Variants in FAM133B observed in about 807,000 individuals in gnomAD.
FAM133B encodes the protein protein FAM133B.
FAM133B carries 25 observed loss-of-function variants against 46.4 expected under a neutral mutation model. The observed-to-expected ratio is 0.54, with a 90% CI of 0.39 to 0.75. The LOEUF is 0.75. FAM133B is among the 30% of genes least tolerant of loss of function. The pLI, the probability that FAM133B is intolerant of heterozygous loss-of-function variation, is 0.00. For synonymous variants in FAM133B, 75 were observed against 86.0 expected, an observed-to-expected ratio of 0.87 and a Z score of 0.71; for missense variants, 205 against 277.6, an observed-to-expected ratio of 0.74 and a Z score of 1.86.
At chr7:92,568,119 C>T (rs762815555) in intron 9 of FAM133B, among the ~76,000 whole-genome samples, 2 of 151,902 alleles carry the variant, frequency 1.3e-5, no homozygotes, top group Admixed American at 6.6e-5. Context: ...GATAGGGTTT[C>T]GCTATGTTGC....
chr7:92,588,056 T>A (rs1795086802), intron 1 of FAM133B, among the ~76,000 whole-genome samples: 1 of 152,122 alleles, frequency 6.6e-6, no homozygotes, highest in Admixed American at 6.6e-5. Flanking sequence ...TTGGTCCCAG[T>A]TTAAAGTCTT....
chr7:92,585,433 CTG>C (rs1466241009), intron 1 of FAM133B: 38 of 893,568 alleles, frequency 4.3e-5, no homozygotes, highest in Non-Finnish European at 5.1e-5. Context: ...ATTGTAAAAA[CTG>C]TTTATTTCCA....
At chr7:92,569,609 TA>T (rs1341666259) in intron 9 of FAM133B, 7 of 294,366 alleles carry the variant, frequency 2.4e-5, no homozygotes, top group Middle Eastern at 9.8e-4. Flanking sequence ...ATTAGAAAGG[TA>T]TGTGGAAATA....
At position 92,565,981 on chromosome 7, in the gene FAM133B, C is replaced by G. The variant is rs759015531; in HGVS notation, c.657+33G>C. ...TTTATATTAAACCAAAACACCTATT[C>G]TATTGTCTGTAAAAACGTTAAGAGA... On this transcript the variant is annotated intron_variant, in intron 10 of 10. Transcript: ENST00000445716. The G allele has an allele frequency of 9.3e-6, 15 of 1,609,698 alleles. No individual in the cohort carries two copies. In the South Asian group the frequency reaches 1.5e-4, roughly 17 times the overall value.
intron 8 of FAM133B, 118 bp from the exon 9 acceptor site, chr7:92,570,033 G>T: frequency 2.3e-6 from 1 of 431,092 alleles, no homozygotes; most frequent in Non-Finnish European, 4.0e-6. Flanking sequence ...ATTTTAGAAT[G>T]TCTAAAAAGT....
rs933866542 is a variant in FAM133B, at chr7:92,560,831, T to C, written c.*1451A>G. 1 of 152,542 alleles carries C rather than the reference T, an allele frequency of 6.6e-6. No individual in the cohort carries two copies. Among genetic ancestry groups the C allele is most frequent in the African/African-American group, 2.4e-5 (1 of 41,470 alleles). 9.4% of individuals were successfully genotyped at this position (152,542 alleles called of 1,614,324 possible). A position where few individuals can be genotyped will look rare whatever the true frequency, so the allele number is the denominator to read the frequency against. On this transcript the variant is annotated 3_prime_UTR_variant, in exon 11 of 11. Coordinates refer to ENST00000445716, the MANE Select transcript of FAM133B (RefSeq NM_152789.4). ...TAGCTATTTATTCAGCCTGTTGTCATGCCAACATGTTCTGTGCATATACCA... is the reference window on the plus strand; with the variant it reads ...TAGCTATTTATTCAGCCTGTTGTCACGCCAACATGTTCTGTGCATATACCA...
chr7:92,569,962 C>A (rs892430481), intron 8 of FAM133B, 47 bp from the exon 9 acceptor site: 3 of 850,560 alleles, frequency 3.5e-6, no homozygotes, highest in Non-Finnish European at 5.0e-6. Flanking sequence ...TACTTTGTCA[C>A]ACACATTTTA....
At chr7:92,580,596 A>G (rs1794838806) in intron 2 of FAM133B, among the ~76,000 whole-genome samples, 1 of 152,210 alleles carries the variant, frequency 6.6e-6, no homozygotes. Context: ...GACTTACCCA[A>G]ACTTTGCTCC....
intron 7 of FAM133B, among the ~76,000 whole-genome samples, chr7:92,576,084 A>G (rs1487418185): frequency 6.6e-6 from 1 of 152,218 alleles, no homozygotes; most frequent in East Asian, 1.9e-4. Flanking sequence ...CTTATTTTAA[A>G]ATAGGACTTC....
chr7:92,583,249 G>T (rs563325439), intron 1 of FAM133B, among the ~76,000 whole-genome samples: 1 of 152,164 alleles, frequency 6.6e-6, no homozygotes, highest in African/African-American at 2.4e-5. Flanking sequence ...ACAAATATAT[G>T]ATTCCATTTA....
At chr7:92,564,915 A>G (rs1794290471) in intron 10 of FAM133B, among the ~76,000 whole-genome samples, 1 of 152,170 alleles carries the variant, frequency 6.6e-6, no homozygotes, top group Admixed American at 6.6e-5. Flanking sequence ...TTGCATTAAT[A>G]GCAGAGTTTG....
chr7:92,578,013 A>G, intron 5 of FAM133B, 137 bp downstream of exon 5: 1 of 777,478 alleles, frequency 1.3e-6, no homozygotes. Flanking sequence ...ATCACTCTTC[A>G]CAATCAAAGA....
At chr7:92,579,513 T>C (rs1027458824) in intron 2 of FAM133B, 118 bp from the exon 3 acceptor site, 1 of 670,558 alleles carries the variant, frequency 1.5e-6, no homozygotes, top group Non-Finnish European at 2.5e-6. Context: ...TTCTATTCAA[T>C]GTTGGTAACA....
chr7:92,573,476 T>A (rs1002839089), intron 8 of FAM133B, among the ~76,000 whole-genome samples: 2 of 150,346 alleles, frequency 1.3e-5, no homozygotes, highest in African/African-American at 4.9e-5. Flanking sequence ...TTTTTTTTTT[T>A]AATACATAAA....
intron 6 of FAM133B, 139 bp downstream of exon 6, chr7:92,577,516 A>G: frequency 1.7e-6 from 1 of 581,294 alleles, no homozygotes. Context: ...CCACTCACTC[A>G]TGTTAGTCCT....
intron 5 of FAM133B, 178 bp from the exon 6 acceptor site, chr7:92,577,895 G>A: frequency 1.5e-6 from 1 of 654,324 alleles, no homozygotes; most frequent in Non-Finnish European, 2.6e-6. Context: ...AGCTCAACAA[G>A]TTAACATATG....
chr7:92,572,692 C>G lies in FAM133B; in HGVS notation c.517-2777G>C, dbSNP rs567175726. 2.0e-5 allele frequency among the ~76,000 whole-genome samples: 3 copies of G among 152,228 alleles called. No individual in the cohort carries two copies. In the East Asian group the frequency reaches 5.8e-4, roughly 29 times the overall value. Reference sequence around the variant, plus strand: ...CAAGATTGCACCACTGCACTCCAGCCTGGGCAACAGAGCGAAACTCCATCT... The same window carrying G: ...CAAGATTGCACCACTGCACTCCAGCGTGGGCAACAGAGCGAAACTCCATCT... On this transcript the variant is annotated intron_variant, in intron 8 of 10. Coordinates refer to ENST00000445716, the MANE Select transcript of FAM133B (RefSeq NM_152789.4).
chr7:92,587,339 A>C (rs1310181235), intron 1 of FAM133B, among the ~76,000 whole-genome samples: 1 of 152,198 alleles, frequency 6.6e-6, no homozygotes, highest in East Asian at 1.9e-4. Context: ...GTGTTATGGC[A>C]AAACTATGGA....
intron 8 of FAM133B, among the ~76,000 whole-genome samples, chr7:92,572,625 A>G (rs1455249772): frequency 1.3e-5 from 2 of 152,222 alleles, no homozygotes; most frequent in Non-Finnish European, 2.9e-5. Flanking sequence ...AGGCTGAGGC[A>G]GGAGAATTGC....
Sources: allele counts gnomAD v4.1 joint callset (sites outside exome capture counted in the v4.1 genomes callset), GRCh38; gene constraint gnomAD v4.1.1; transcripts MANE v1.5; gene names NCBI Gene and HGNC (gene_info 2026-07-23, HGNC 2026-07-21).